The following RBM46 variants were observed in gnomAD, a reference collection of about 807,000 sequenced individuals.
RBM46 encodes the protein probable RNA-binding protein 46.
Under a neutral mutation model 43.3 loss-of-function variants are expected in RBM46, and 12 were observed. The observed-to-expected ratio is 0.28, with a 90% CI of 0.18 to 0.45. RBM46 has a LOEUF of 0.45. RBM46 is among the 20% of genes least tolerant of loss of function. RBM46 has a pLI of 1.00. For missense variants in RBM46, 412 were observed against 639.1 expected, an observed-to-expected ratio of 0.64 and a Z score of 3.83; for synonymous variants, 205 against 207.6, an observed-to-expected ratio of 0.99 and a Z score of 0.11.
At chr4:154,802,633 T>TGA (rs1734693955) in intron 4 of RBM46, among the ~76,000 whole-genome samples, 1 of 152,076 alleles carries the variant, frequency 6.6e-6, no homozygotes, top group South Asian at 2.1e-4. Context: ...TTTGAAGTCT[T>TGA]GAGAGGTTGT....
intron 1 of RBM46, among the ~76,000 whole-genome samples, chr4:154,795,269 T>G (rs1734293850): frequency 6.6e-6 from 1 of 152,218 alleles, no homozygotes; most frequent in South Asian, 2.1e-4. Context: ...TTGTCCAAAG[T>G]CAGAGCTTAG....
At chr4:154,783,050 G>C (rs911568539) in intron 1 of RBM46, among the ~76,000 whole-genome samples, 4 of 151,990 alleles carry the variant, frequency 2.6e-5, no homozygotes, top group Admixed American at 2.0e-4. Flanking sequence ...TTGTTTTCAG[G>C]GCACACGTTT....
chr4:154,818,490 C>T (rs1452913503), intron 4 of RBM46, among the ~76,000 whole-genome samples: 4 of 152,108 alleles, frequency 2.6e-5, no homozygotes, highest in Non-Finnish European at 5.9e-5. Flanking sequence ...GCCATCATTC[C>T]CTGTACCCAG....
intron 1 of RBM46, among the ~76,000 whole-genome samples, chr4:154,784,251 A>G (rs1269399338): frequency 2.6e-5 from 4 of 152,208 alleles, no homozygotes; most frequent in Non-Finnish European, 4.4e-5. Context: ...GTAACTTGGA[A>G]GATGAAGTTT....
intron 4 of RBM46, among the ~76,000 whole-genome samples, chr4:154,800,065 C>T (rs1238249965): frequency 6.6e-6 from 1 of 152,190 alleles, no homozygotes; most frequent in African/African-American, 2.4e-5. Flanking sequence ...GCCACCGCAC[C>T]TGGCCTACAT....
At chr4:154,803,970 T>A (rs1209515297) in intron 4 of RBM46, among the ~76,000 whole-genome samples, 1 of 152,126 alleles carries the variant, frequency 6.6e-6, no homozygotes, top group African/African-American at 2.4e-5. Context: ...GGTGAATGAT[T>A]CCTCACCACA....
Position 154,799,212 on chromosome 4 carries a change from T to C in RBM46, c.1050T>C (p.Leu350=), listed in dbSNP as rs1734496116. ...AAACTCTAGGCAAGCTGCCAACTCT[T>C]CCTGCTCGTCTCAATGGTCAGCATA... is the stretch of plus-strand genomic sequence containing the variant. ...HPKTLGKLPT[L]PARLNGQHSP... The change falls in exon 4 of 5, where the codon CTT becomes CTC. Residue 350 remains leucine, a synonymous_variant. Transcript: ENST00000281722. 6.2e-7 allele frequency: 1 copy of C among 1,614,020 alleles called. No individual in the cohort carries two copies. The highest frequency in any genetic ancestry group is 8.5e-7 in the Non-Finnish European group (1 of 1,180,022).
intron 3 of RBM46, 46 bp downstream of exon 3, chr4:154,798,324 G>A: frequency 8.2e-7 from 1 of 1,215,876 alleles, no homozygotes; most frequent in Non-Finnish European, 1.2e-6. Context: ...TTACAAATAT[G>A]GAGAGATGAT....
At chr4:154,788,843 T>C (rs1733926654) in intron 1 of RBM46, among the ~76,000 whole-genome samples, 1 of 152,220 alleles carries the variant, frequency 6.6e-6, no homozygotes, top group Admixed American at 6.5e-5. Flanking sequence ...TTTGTTTGTG[T>C]CCTCTTTTAT....
chr4:154,799,238 G>A lies in RBM46; in HGVS notation c.1076G>A (p.Ser359Asn). 1 of 1,614,150 alleles carries A rather than the reference G, an allele frequency of 6.2e-7. No homozygotes were observed. Among genetic ancestry groups the A allele is most frequent in the Non-Finnish European group, 8.5e-7 (1 of 1,180,022 alleles). ...CCTGCTCGTCTCAATGGTCAGCATA[G>A]CCCAAGTCCGCCTGAAGTTGAAAGA... Reference protein sequence around the residue: ...TLPARLNGQHSPSPPEVERCT... With the variant: ...TLPARLNGQHNPSPPEVERCT... The change falls in exon 4 of 5, where the codon AGC becomes AAC. Residue 359 changes from serine (S) to asparagine (N), a missense_variant. This residue lies in a region of RBM46 where 105 missense variants were observed against 111.0 expected (regional missense o/e 0.95). Transcript: ENST00000281722.
In RBM46 at chr4:154,797,764, C is replaced by T. The variant is rs928536330; in HGVS notation, c.152-47C>T. 3.1e-6 allele frequency: 4 copies of T among 1,278,872 alleles called. No homozygotes were observed. The African/African-American group carries it at 6.0e-5, about 19-fold the overall frequency. 79.2% of individuals were successfully genotyped at this position (1,278,872 alleles called of 1,614,324 possible). ...TGAATATATGATTGAATAGTGAGTA[C>T]AAATATCCAATTAGAATTTATGTGT... On this transcript the variant is annotated intron_variant, in intron 2 of 4. Transcript: ENST00000281722.
Position 154,799,305 on chromosome 4 carries a change from T to G in RBM46, c.1143T>G (p.Ile381Met). ...ATCCTGGAACAAAGCTTACTCCAATTAGTATGTATTCTTTAAAATCCAATC... is the reference window on the plus strand; with the variant it reads ...ATCCTGGAACAAAGCTTACTCCAATGAGTATGTATTCTTTAAAATCCAATC... ...PFYPGTKLTP[I>M]SMYSLKSNHF... Residue 381 changes from isoleucine (I) to methionine (M), a missense_variant, in exon 4 of 5, where the codon ATT becomes ATG. Physicochemically the swap from Ile to Met is conservative, Grantham distance 10 (BLOSUM62 1). Transcript: ENST00000281722. 6.2e-7 allele frequency: 1 copy of G among 1,614,186 alleles called. No individual in the cohort carries two copies. The highest frequency in any genetic ancestry group is 8.5e-7 in the Non-Finnish European group (1 of 1,180,030).
rs546076353 is a variant in RBM46 at position 154,785,727 on chromosome 4, G to C, written c.-12+4291G>C. On this transcript the variant is annotated intron_variant, in intron 1 of 4. Coordinates refer to ENST00000281722, the MANE Select transcript of RBM46 (RefSeq NM_144979.5). Reference sequence around the variant, plus strand: ...GTATGATGTCCTGTGGGATGTCGAGGCCATTGAAGACTCTCTGGACTAAAT... The same window carrying C: ...GTATGATGTCCTGTGGGATGTCGAGCCCATTGAAGACTCTCTGGACTAAAT... Among the ~76,000 whole-genome samples the C allele has an allele frequency of 3.3e-5, 5 of 151,932 alleles. No individual in the cohort carries two copies. The East Asian group carries it at 9.7e-4, about 29-fold the overall frequency.
chr4:154,820,546 T>C (rs964265280), intron 4 of RBM46: 8 of 522,734 alleles, frequency 1.5e-5, no homozygotes, highest in Admixed American at 7.5e-5. Context: ...TTTTTTATAA[T>C]AGCCTTGTTA....
intron 4 of RBM46, among the ~76,000 whole-genome samples, chr4:154,812,931 ACTTTTT>A (rs1735252164): frequency 1.3e-5 from 2 of 152,156 alleles, no homozygotes; most frequent in African/African-American, 4.8e-5. Context: ...ACCCAAAATG[ACTTTTT>A]CTTTATGATA....
At chr4:154,816,545 A>G (rs142937799) in intron 4 of RBM46, among the ~76,000 whole-genome samples, 121 of 152,196 alleles carry the variant, frequency 8.0e-4, no homozygotes, top group African/African-American at 2.3e-3. Flanking sequence ...TTATGTGAAA[A>G]CGATTTATTT....
intron 1 of RBM46, 124 bp from the exon 2 acceptor site, chr4:154,796,618 C>T (rs546579346): frequency 3.9e-4 from 249 of 635,738 alleles, no homozygotes; most frequent in Non-Finnish European, 5.9e-4. Flanking sequence ...CCTCAGAGGA[C>T]AGTGAAGGCT....
intron 4 of RBM46, 95 bp from the exon 5 acceptor site, chr4:154,827,773 G>A: frequency 6.4e-7 from 1 of 1,574,336 alleles, no homozygotes; most frequent in East Asian, 2.2e-5. Flanking sequence ...AGAACATTAT[G>A]TTAAAATGTG....
intron 4 of RBM46, 66 bp downstream of exon 4, chr4:154,799,630 A>C: frequency 1.7e-6 from 2 of 1,162,216 alleles, no homozygotes; most frequent in Non-Finnish European, 2.3e-6. Flanking sequence ...ATTATTTTTA[A>C]ATTCATTTAT....
Sources: allele counts gnomAD v4.1 joint callset (sites outside exome capture counted in the v4.1 genomes callset), GRCh38; gene constraint gnomAD v4.1.1; regional missense constraint gnomAD v4.1.1; transcripts MANE v1.5; gene names NCBI Gene and HGNC (gene_info 2026-07-23, HGNC 2026-07-21).